Variants in RIMKLB observed in about 807,000 individuals in gnomAD.
The protein encoded by RIMKLB is beta-citrylglutamate synthase B.
In RIMKLB, 7 loss-of-function variants were observed where a neutral mutation model predicts 32.0. That is an observed-to-expected ratio of 0.22 (90% CI 0.12 to 0.41). The LOEUF (loss-of-function observed/expected upper bound fraction) is 0.41. Ranked by LOEUF, RIMKLB falls within the 10% of genes least tolerant of loss-of-function variation. The pLI is 1.00. For synonymous variants in RIMKLB, 172 were observed against 185.1 expected (o/e 0.93, Z 0.57); for missense variants, 289 against 498.7 (o/e 0.58, Z 4.00).
At chr12:8,751,489 A>T (rs1359258260) in intron 3 of RIMKLB, among the ~76,000 whole-genome samples, 1 of 152,172 alleles carries the variant, frequency 6.6e-6, no homozygotes, top group African/African-American at 2.4e-5. Context: ...TTAGTAATGG[A>T]GATAAGAAAA....
At chr12:8,716,204 A>G (rs1944813475) in intron 2 of RIMKLB, among the ~76,000 whole-genome samples, 1 of 152,178 alleles carries the variant, frequency 6.6e-6, no homozygotes, top group Non-Finnish European at 1.5e-5. Context: ...TCTATTTTTT[A>G]AAAGTGTGTA....
rs1286074670 is a variant in RIMKLB, at chr12:8,750,165, A to G, written c.406+73A>G. 4 of 871,864 alleles carry G rather than the reference A, an allele frequency of 4.6e-6. No homozygotes were observed. In the East Asian group the frequency reaches 9.8e-5, roughly 21 times the overall value. The allele number at this position is 871,864 out of a possible 1,614,324, so 54.0% of individuals were successfully genotyped here. A position where few individuals can be genotyped will look rare whatever the true frequency, so the allele number is the denominator to read the frequency against. On this transcript the variant is annotated intron_variant, in intron 3 of 5. Coordinates refer to ENST00000535829, the MANE Select transcript of RIMKLB (RefSeq NM_001297776.2). ...GTTTTAATAGGATAAATTTACAGAC[A>G]TGAAAGAACACCTTATAGAAGTGTC...
intron 3 of RIMKLB, among the ~76,000 whole-genome samples, chr12:8,750,880 T>G (rs974506203): frequency 6.7e-6 from 1 of 149,332 alleles, no homozygotes; most frequent in Non-Finnish European, 1.5e-5. Context: ...AAGATCAAAC[T>G]TAAATCAGAG....
intron 2 of RIMKLB, among the ~76,000 whole-genome samples, chr12:8,719,563 T>G (rs1945231672): frequency 6.6e-6 from 1 of 152,092 alleles, no homozygotes; most frequent in Non-Finnish European, 1.5e-5. Context: ...GAGACGGGGT[T>G]TCACCATGTT....
chr12:8,737,895 G>T (rs1947163593), intron 2 of RIMKLB, among the ~76,000 whole-genome samples: 1 of 152,084 alleles, frequency 6.6e-6, no homozygotes, highest in Non-Finnish European at 1.5e-5. Flanking sequence ...TGTATTTTTA[G>T]TAGAGACGGA....
At position 8,767,249 on chromosome 12, in the gene RIMKLB, T is replaced by C. The variant is rs146611432; in HGVS notation, c.698-6072T>C. Among the ~76,000 whole-genome samples, 80 of 152,332 alleles carry C rather than the reference T, an allele frequency of 5.3e-4. No homozygotes were observed. The East Asian group carries it at 0.014, about 27-fold the overall frequency. On this transcript the variant is annotated intron_variant, in intron 5 of 5. Coordinates refer to ENST00000535829, the MANE Select transcript of RIMKLB (RefSeq NM_001297776.2). The stretch of plus-strand genomic sequence containing the variant: ...TCTCTTTGGCCCCCTTTGTCTCTCT[T>C]TCTCTTTTCTCCTAGCCCTTTACAA...
At chr12:8,748,619 A>G (rs1287482312) in intron 2 of RIMKLB, among the ~76,000 whole-genome samples, 2 of 147,542 alleles carry the variant, frequency 1.4e-5, no homozygotes, top group Non-Finnish European at 3.0e-5. Context: ...TTATATATAT[A>G]TAATTTTTTT....
At chr12:8,748,552 G>GCA (rs1254346155) in intron 2 of RIMKLB, among the ~76,000 whole-genome samples, 25 of 108,284 alleles carry the variant, frequency 2.3e-4, no homozygotes, top group Middle Eastern at 4.8e-3. Flanking sequence ...GTGTGTGTGT[G>GCA]TGTGTGCATA....
At chr12:8,779,816 T>C (rs1950928021), downstream of RIMKLB, 1 of 152,144 alleles carries the variant, frequency 6.6e-6, no homozygotes, top group Non-Finnish European at 1.5e-5. Flanking sequence ...ACAGAAGACG[T>C]TTATGCTGTG....
At position 8,749,898 on chromosome 12, in the gene RIMKLB, C is replaced by T; in HGVS notation, c.212C>T (p.Pro71Leu). 1 of 1,610,930 alleles carries T rather than the reference C, an allele frequency of 6.2e-7. No individual in the cohort carries two copies. The highest frequency in any genetic ancestry group is 8.5e-7 in the Non-Finnish European group (1 of 1,177,378). Residue 71 changes from proline to leucine, a missense_variant, in exon 3 of 6, where the codon CCA becomes CTA. Pro to Leu is a moderately conservative substitution (Grantham distance 98). Transcript: ENST00000535829. The stretch of plus-strand genomic sequence containing the variant: ...AATGGAGAGCTAATCACTGCCTACC[C>T]ACAAGTGGTGGTAGTCAGAGTACCA... ...RINGELITAY[P>L]QVVVVRVPTP...
chr12:8,756,565 A>G (rs760076422), intron 5 of RIMKLB, among the ~76,000 whole-genome samples: 1 of 152,218 alleles, frequency 6.6e-6, no homozygotes, highest in Non-Finnish European at 1.5e-5. Flanking sequence ...GTAAAACTAA[A>G]GAAAAGGCAA....
intron 1 of RIMKLB, among the ~76,000 whole-genome samples, chr12:8,709,946 A>C (rs112879901): frequency 0.033 from 5,086 of 152,204 alleles, 294 homozygotes; most frequent in African/African-American, 0.12. Flanking sequence ...TGGAGGGACT[A>C]CTGTACCTGG....
At chr12:8,718,926 A>G (rs908583775) in intron 2 of RIMKLB, among the ~76,000 whole-genome samples, 1 of 152,146 alleles carries the variant, frequency 6.6e-6, no homozygotes, top group Non-Finnish European at 1.5e-5. Context: ...GGTGTTCTAT[A>G]GTCTGTGGCT....
At chr12:8,681,264 G>C (rs78079205), upstream of RIMKLB, among the ~76,000 whole-genome samples, 3 of 151,996 alleles carry the variant, frequency 2.0e-5, no homozygotes, top group Admixed American at 2.0e-4. Flanking sequence ...TGTGTCTGGC[G>C]GTTCTGGTCT....
upstream of RIMKLB, chr12:8,697,150 G>A (rs187548614): frequency 1.7e-3 from 254 of 152,292 alleles, no homozygotes; most frequent in African/African-American, 5.9e-3. Context: ...AAGGCTCAGA[G>A]GAAGCGTAGC....
intron 2 of RIMKLB, among the ~76,000 whole-genome samples, chr12:8,719,407 C>T (rs1333193150): frequency 1.3e-5 from 2 of 152,164 alleles, no homozygotes; most frequent in South Asian, 2.1e-4. Context: ...TCGCTCTTGT[C>T]GCCCAGGCTA....
chr12:8,773,598 C>G lies in RIMKLB; in HGVS notation c.975C>G (p.Ala325=). The G allele has an allele frequency of 6.2e-7, 1 of 1,614,246 alleles. No individual in the cohort carries two copies. Among genetic ancestry groups the G allele is most frequent in the Non-Finnish European group, 8.5e-7 (1 of 1,180,048 alleles). Residue 325 remains alanine (A), a synonymous_variant, in exon 6 of 6, where the codon GCC becomes GCG. Coordinates refer to ENST00000535829, the MANE Select transcript of RIMKLB (RefSeq NM_001297776.2). ...RMSLLSVVST[A]SETSEPELGP... is the part of the protein sequence containing the mutation. The stretch of plus-strand genomic sequence containing the variant: ...CCCTGCTCTCCGTGGTGTCCACTGC[C>G]AGTGAGACTAGTGAGCCGGAGCTGG...
chr12:8,749,837 T>C (rs1948470924), intron 2 of RIMKLB, 25 bp from the exon 3 acceptor site: 4 of 1,446,302 alleles, frequency 2.8e-6, no homozygotes, highest in Non-Finnish European at 3.9e-6. Flanking sequence ...TCTAATTGTG[T>C]TGGTCTTGTA....
chr12:8,688,766 T>C (rs1942650352), intron 1 of RIMKLB, among the ~76,000 whole-genome samples: 1 of 152,186 alleles, frequency 6.6e-6, no homozygotes, highest in Non-Finnish European at 1.5e-5. Context: ...CAGGGATTAA[T>C]TGAACAGGAT....
Sources: allele counts gnomAD v4.1 joint callset (sites outside exome capture counted in the v4.1 genomes callset), GRCh38; gene constraint gnomAD v4.1.1; transcripts MANE v1.5; gene names NCBI Gene and HGNC (gene_info 2026-07-23, HGNC 2026-07-21).